SH3KBP1: variants seen among roughly 807,000 people sequenced by gnomAD.
SH3KBP1 encodes the protein SH3 domain containing kinase binding protein 1.
SH3KBP1 carries 8 observed loss-of-function variants against 50.1 expected under a neutral mutation model. The observed-to-expected ratio is 0.16, with a 90% CI of 0.09 to 0.29. SH3KBP1 has a LOEUF of 0.29. Ranked by LOEUF, SH3KBP1 falls within the 10% of genes least tolerant of loss-of-function variation. The pLI is 1.00. For synonymous variants in SH3KBP1, 227 were observed against 218.6 expected, an observed-to-expected ratio of 1.04 and a Z score of -0.34; for missense variants, 377 against 535.2, an observed-to-expected ratio of 0.70 and a Z score of 2.92.
chrX:19,541,313 C>A (rs2064886323), intron 16 of SH3KBP1, among the ~76,000 whole-genome samples: 1 of 111,999 alleles, frequency 8.9e-6, no homozygotes, highest in Admixed American at 9.4e-5. Flanking sequence ...TCTTTCTCCT[C>A]AACAAAGTGC....
Position 19,887,382 on chromosome X carries a change from CGGGATCGGGGCGCT to C in SH3KBP1, c.-86_-73del, listed in dbSNP as rs2069627858. On this transcript the variant is annotated 5_prime_UTR_variant, in exon 1 of 18. Coordinates refer to ENST00000397821, the MANE Select transcript of SH3KBP1 (RefSeq NM_031892.3). Reference sequence around the variant, plus strand: ...GAGGCGGGCGTGGGGGTTGGGGCGCCGGGATCGGGGCGCTGGGATCCAGGCGCGAGGGTCCGGAC... The same window carrying C: ...GAGGCGGGCGTGGGGGTTGGGGCGCCGGGATCCAGGCGCGAGGGTCCGGAC... 13 of 878,939 alleles carry C rather than the reference CGGGATCGGGGCGCT, an allele frequency of 1.5e-5. No homozygotes were observed. The highest frequency in any genetic ancestry group is 1.9e-5 in the Non-Finnish European group (13 of 702,023). 72.4% of individuals were successfully genotyped at this position (878,939 alleles called of 1,213,427 possible).
intron 15 of SH3KBP1, among the ~76,000 whole-genome samples, chrX:19,544,317 G>A (rs1326430827): frequency 9.0e-6 from 1 of 110,911 alleles, no homozygotes; most frequent in Non-Finnish European, 1.9e-5. Context: ...ATCACATGCC[G>A]GACACCGGCT....
At chrX:19,815,369 G>A (rs1603261036) in intron 2 of SH3KBP1, among the ~76,000 whole-genome samples, 1 of 110,958 alleles carries the variant, frequency 9.0e-6, no homozygotes, top group East Asian at 2.8e-4. Context: ...GGTGCATGGA[G>A]TCCCATAAAC....
chrX:19,726,245 G>A (rs1181285253), intron 3 of SH3KBP1, among the ~76,000 whole-genome samples: 2 of 111,727 alleles, frequency 1.8e-5, no homozygotes, highest in Non-Finnish European at 3.8e-5. Context: ...GTTTGGCAGA[G>A]GCGGCATGGA....
chrX:19,595,075 T>A, intron 9 of SH3KBP1, 75 bp from the exon 10 acceptor site: 1 of 738,576 alleles, frequency 1.4e-6, no homozygotes, highest in South Asian at 2.2e-5. Flanking sequence ...CCACAGACAT[T>A]GTTTTCTATG....
intron 16 of SH3KBP1, among the ~76,000 whole-genome samples, chrX:19,540,527 G>C (rs5909309): frequency 0.34 from 37,737 of 110,494 alleles, 6,162 homozygotes; most frequent in African/African-American, 0.64. Flanking sequence ...TTGCTTAACC[G>C]AGTTATCCCC....
At chrX:19,600,095 C>CAA (rs1218369399) in intron 9 of SH3KBP1, among the ~76,000 whole-genome samples, 1,521 of 26,852 alleles carry the variant, frequency 0.057, 110 homozygotes, top group African/African-American at 0.11. Context: ...GACTCCGTCT[C>CAA]AAAAAAAAAA....
At chrX:19,846,670 G>T (rs2068375274) in intron 1 of SH3KBP1, among the ~76,000 whole-genome samples, 1 of 111,837 alleles carries the variant, frequency 8.9e-6, no homozygotes, top group Non-Finnish European at 1.9e-5. Flanking sequence ...TCAAGTGTCT[G>T]CTTATACTAT....
intron 11 of SH3KBP1, 74 bp from the exon 12 acceptor site, chrX:19,588,876 C>T (rs1468138434): frequency 2.2e-5 from 19 of 874,020 alleles, no homozygotes; most frequent in Non-Finnish European, 3.0e-6. Flanking sequence ...TCACTCATTT[C>T]CTGCTAAAAA....
At position 19,537,577 on chromosome X, in the gene SH3KBP1, G is replaced by A. The variant is rs745882073; in HGVS notation, c.1956+140C>T. 5.1e-4 allele frequency: 260 copies of A among 514,447 alleles called. 1 individual carries two copies. The highest frequency in any genetic ancestry group is 8.3e-4 in the Admixed American group (26 of 31,216). 42.4% of individuals were successfully genotyped at this position (514,447 alleles called of 1,213,427 possible). ...GAAACGATATGTAGTAAGCCCATAC[G>A]ATTCTAAGAAGATGGTCACAGGAAA... is the stretch of plus-strand genomic sequence containing the variant. On this transcript the variant is annotated intron_variant, in intron 17 of 17. Transcript: ENST00000397821.
At chrX:19,606,037 T>C (rs1479290379) in intron 9 of SH3KBP1, among the ~76,000 whole-genome samples, 1 of 112,072 alleles carries the variant, frequency 8.9e-6, no homozygotes, top group African/African-American at 3.2e-5. Flanking sequence ...CTTCTATCAT[T>C]ACTTCACAGT....
At chrX:19,762,764 C>T (rs188974561) in intron 2 of SH3KBP1, among the ~76,000 whole-genome samples, 75 of 111,802 alleles carry the variant, frequency 6.7e-4, no homozygotes, top group African/African-American at 2.3e-3. Flanking sequence ...TATTTGTCAC[C>T]ATACCACAGA....
chrX:19,572,112 C>A (rs1246689511), intron 12 of SH3KBP1, among the ~76,000 whole-genome samples: 1 of 109,682 alleles, frequency 9.1e-6, no homozygotes, highest in African/African-American at 3.3e-5. Context: ...CCCTATTGTG[C>A]ATTACTATGC....
At chrX:19,702,074 C>G (rs879198593) in intron 4 of SH3KBP1, among the ~76,000 whole-genome samples, 2 of 112,234 alleles carry the variant, frequency 1.8e-5, no homozygotes, top group Admixed American at 1.9e-4. Context: ...AATTGTAGAA[C>G]AGCCCAAGCT....
chrX:19,645,627 C>A, intron 6 of SH3KBP1, 152 bp from the exon 7 acceptor site: 1 of 433,135 alleles, frequency 2.3e-6, no homozygotes, highest in Non-Finnish European at 4.0e-6. Context: ...TGGCTGCCCC[C>A]CTTTAATAGG....
chrX:19,880,853 G>C (rs1312199142), intron 1 of SH3KBP1, among the ~76,000 whole-genome samples: 1 of 111,783 alleles, frequency 8.9e-6, no homozygotes, highest in Non-Finnish European at 1.9e-5. Context: ...AGAGGTTGGA[G>C]GGCTGGGGTA....
intron 1 of SH3KBP1, among the ~76,000 whole-genome samples, chrX:19,878,505 T>TGTGTGTGTGAGAGAGAGA (rs1491094714): frequency 2.1e-5 from 1 of 48,216 alleles, no homozygotes; most frequent in African/African-American, 6.0e-5. Flanking sequence ...TGTGTGTGTG[T>TGTGTGTGTGAGAGAGAGA]GAGAGAGAGA....
At chrX:19,784,393 A>G (rs1333785938) in intron 2 of SH3KBP1, among the ~76,000 whole-genome samples, 1 of 111,503 alleles carries the variant, frequency 9.0e-6, no homozygotes, top group Non-Finnish European at 1.9e-5. Flanking sequence ...TTTATTATTC[A>G]AAGAATGGCA....
chrX:19,701,186 G>C (rs1233734575), intron 4 of SH3KBP1, among the ~76,000 whole-genome samples: 5 of 111,188 alleles, frequency 4.5e-5, no homozygotes, highest in Admixed American at 3.8e-4. Flanking sequence ...CCAATACTAA[G>C]GTCTTTCTAT....
Sources: gnomAD v4.1 joint callset for allele counts (sites outside exome capture counted in the v4.1 genomes callset) on GRCh38, gnomAD v4.1.1 for gene constraint, MANE v1.5 for transcripts, NCBI Gene and HGNC (gene_info 2026-07-23, HGNC 2026-07-21) for gene names.